Variants in ZNF514 observed in about 807,000 individuals in gnomAD.
The protein encoded by ZNF514 is zinc finger protein 514.
In ZNF514, 12 loss-of-function variants were observed where a neutral mutation model predicts 9.7. That is an observed-to-expected ratio of 1.24 (90% CI 0.79 to 2.01). The LOEUF (loss-of-function observed/expected upper bound fraction) is 2.01, where lower values mean the gene tolerates loss of function less well. ZNF514 is among the 30% of genes most tolerant of loss of function. ZNF514 has a pLI of 0.00. For missense variants in ZNF514, 467 were observed against 465.5 expected (o/e 1.00, Z -0.03); for synonymous variants, 158 against 163.7 (o/e 0.97, Z 0.27).
chr2:95,126,405 AAAGAAAGG>A, the ZNF514 span, among the ~76,000 whole-genome samples: 32 of 148,320 alleles, frequency 2.2e-4, no homozygotes, highest in Non-Finnish European at 3.9e-4. Context: ...AGAAAGAAAG[AAAGAAAGG>A]AAGAAAAAAA....
At chr2:95,144,709 TATC>T (rs1348131467), downstream of ZNF514, among the ~76,000 whole-genome samples, 3 of 152,206 alleles carry the variant, frequency 2.0e-5, no homozygotes, top group Non-Finnish European at 4.4e-5. Context: ...AACCTGCAGA[TATC>T]ATGAGAATTC....
At position 95,149,886 on chromosome 2, in the gene ZNF514, T is replaced by C. The variant is rs1673484453; in HGVS notation, c.599A>G (p.Glu200Gly). 6.2e-7 allele frequency: 1 copy of C among 1,614,250 alleles called. No individual in the cohort carries two copies. Among genetic ancestry groups the C allele is most frequent in the Non-Finnish European group, 8.5e-7 (1 of 1,180,032 alleles). ...CTCATTACATTTACAAGATTTCTTT[T>C]CTGGGTGGGTTCTCTGAGAGTTGTT... ...GGNNSQRTHP[E>G]KKSCKCNECG... Residue 200 changes from glutamate to glycine, a missense_variant, in exon 5 of 5, where the codon GAA becomes GGA. Coordinates refer to ENST00000295208, the MANE Select transcript of ZNF514 (RefSeq NM_032788.3).
chr2:95,130,969 G>A, the ZNF514 span, among the ~76,000 whole-genome samples: 5 of 152,282 alleles, frequency 3.3e-5, no homozygotes, highest in African/African-American at 7.2e-5. Flanking sequence ...AAAGACAGGC[G>A]TTAAGAAATT....
chr2:95,149,766 G>C lies in ZNF514; in HGVS notation c.719C>G (p.Ala240Gly), dbSNP rs1558700225. ...AATAAGGGATGAAATATGACCAAAG[G>C]CTCTTCCACAGTCACTGCATTCATA... is the stretch of plus-strand genomic sequence containing the variant. ...KPYECSDCGR[A>G]FGHISSLIKH... Residue 240 changes from alanine (A) to glycine (G), a missense_variant, in exon 5 of 5, where the codon GCC becomes GGC. Ala to Gly is a moderately conservative substitution (Grantham distance 60). Coordinates refer to ENST00000295208, the MANE Select transcript of ZNF514 (RefSeq NM_032788.3). 1.9e-6 allele frequency: 3 copies of C among 1,614,212 alleles called. No homozygotes were observed. Among genetic ancestry groups the C allele is most frequent in the Non-Finnish European group, 2.5e-6 (3 of 1,180,034 alleles).
At position 95,145,965 on chromosome 2, in the gene ZNF514, T is replaced by A. The variant is rs1673348568; in HGVS notation, c.*3317A>T. On this transcript the variant is annotated 3_prime_UTR_variant, in exon 5 of 5. Transcript: ENST00000295208. ...TGACAAGAGCCACCTTGGGCACATG[T>A]TCTCAGGATCTCCTGGGGCTGTGTC... Among the ~76,000 whole-genome samples the A allele has an allele frequency of 6.6e-6, 1 of 152,170 alleles. No homozygotes were observed. Among genetic ancestry groups the A allele is most frequent in the African/African-American group, 2.4e-5 (1 of 41,460 alleles).
the ZNF514 span, among the ~76,000 whole-genome samples, chr2:95,125,470 C>A: frequency 2.0e-5 from 3 of 151,922 alleles, no homozygotes; most frequent in Admixed American, 6.6e-5. Flanking sequence ...GATCTCTTGA[C>A]CTTGTGATTC....
the ZNF514 span, among the ~76,000 whole-genome samples, chr2:95,131,768 AC>A: frequency 6.6e-6 from 1 of 152,130 alleles, no homozygotes; most frequent in Non-Finnish European, 1.5e-5. Context: ...GCAAGCCACA[AC>A]CTGAACCTTA....
At chr2:95,134,373 A>C in the ZNF514 span, among the ~76,000 whole-genome samples, 1 of 152,140 alleles carries the variant, frequency 6.6e-6, no homozygotes, top group East Asian at 1.9e-4. Context: ...ACTCGCTACC[A>C]ATGCTCTGGA....
In ZNF514 at chr2:95,146,435, G is replaced by T. The variant is rs1025647780; in HGVS notation, c.*2847C>A. Among the ~76,000 whole-genome samples the T allele has an allele frequency of 6.6e-6, 1 of 152,068 alleles. No homozygotes were observed. Among genetic ancestry groups the T allele is most frequent in the African/African-American group, 2.4e-5 (1 of 41,406 alleles). Reference sequence around the variant, plus strand: ...ACACAGGTTTCTGACTGATTATGTAGGCTTTAGGTAAGTAGAGAAGGTGCC... The same window carrying T: ...ACACAGGTTTCTGACTGATTATGTATGCTTTAGGTAAGTAGAGAAGGTGCC... On this transcript the variant is annotated 3_prime_UTR_variant, in exon 5 of 5. Transcript: ENST00000295208.
Position 95,157,439 on chromosome 2 carries a change from G to A in ZNF514, c.-95C>T, listed in dbSNP as rs913500683. The A allele has an allele frequency of 5.4e-6, 7 of 1,289,204 alleles. No homozygotes were observed. The highest frequency in any genetic ancestry group is 7.1e-6 in the Non-Finnish European group (7 of 988,490). 79.9% of individuals were successfully genotyped at this position (1,289,204 alleles called of 1,614,324 possible). ...AAGAGCAGGATTCTGAGAAGGGGAA[G>A]CTGGGAAGGTAGAAGGAGACATAAG... On this transcript the variant is annotated splice_region_variant and 5_prime_UTR_variant, in exon 2 of 5. Coordinates refer to ENST00000295208, the MANE Select transcript of ZNF514 (RefSeq NM_032788.3).
In ZNF514 at chr2:95,153,054, A is replaced by G. The variant is rs1673587298; in HGVS notation, c.121+79T>C. 2.6e-6 allele frequency: 4 copies of G among 1,538,102 alleles called. No individual in the cohort carries two copies. In the African/African-American group the frequency reaches 5.5e-5, roughly 21 times the overall value. ...AACCCAGGGCCAAACTTAGCCAACC[A>G]GCCCAGACACCACTAGCTCTTAAAC... On this transcript the variant is annotated intron_variant, in intron 3 of 4. Coordinates refer to ENST00000295208, the MANE Select transcript of ZNF514 (RefSeq NM_032788.3).
At chr2:95,152,545 T>C (rs1228516184) in intron 4 of ZNF514, 129 bp downstream of exon 4, 6 of 705,834 alleles carry the variant, frequency 8.5e-6, no homozygotes, top group African/African-American at 5.3e-5. Context: ...AAATTCAACA[T>C]ACCAGAGTTG....
In ZNF514 at chr2:95,149,882, C is replaced by T. The variant is rs767178074; in HGVS notation, c.603G>A (p.Lys201=). 6.2e-7 allele frequency: 1 copy of T among 1,614,206 alleles called. No homozygotes were observed. Among genetic ancestry groups the T allele is most frequent in the Admixed American group, 1.7e-5 (1 of 60,024 alleles). Residue 201 remains lysine, a synonymous_variant, in exon 5 of 5, where the codon AAG becomes AAA. Transcript: ENST00000295208. The part of the protein sequence containing the change: ...GNNSQRTHPE[K]KSCKCNECGK... ...CACACTCATTACATTTACAAGATTT[C>T]TTTTCTGGGTGGGTTCTCTGAGAGT...
intron 1 of ZNF514, chr2:95,159,023 ATC>A (rs1435721462): frequency 1.6e-6 from 2 of 1,260,012 alleles, no homozygotes; most frequent in East Asian, 5.8e-5. Context: ...CTAGGTCCAA[ATC>A]TCTGTCTTTC....
At chr2:95,151,931 C>G (rs1248570269) in intron 4 of ZNF514, among the ~76,000 whole-genome samples, 1 of 152,202 alleles carries the variant, frequency 6.6e-6, no homozygotes, top group Non-Finnish European at 1.5e-5. Context: ...AGTTCCCTTT[C>G]ATAAAGCCCA....
the ZNF514 span, among the ~76,000 whole-genome samples, chr2:95,131,719 G>T: frequency 6.6e-6 from 1 of 152,164 alleles, no homozygotes; most frequent in Non-Finnish European, 1.5e-5. Context: ...TCAACAAATG[G>T]TGCAGGAAGA....
In ZNF514 at chr2:95,146,065, T is replaced by C. The variant is rs1673351017; in HGVS notation, c.*3217A>G. Reference sequence around the variant, plus strand: ...ATTTCTCTCAGGACTTACTGTCATGTTGTTATTGCTACAAAGAGTCTGTTT... The same window carrying C: ...ATTTCTCTCAGGACTTACTGTCATGCTGTTATTGCTACAAAGAGTCTGTTT... On this transcript the variant is annotated 3_prime_UTR_variant, in exon 5 of 5. Coordinates refer to ENST00000295208, the MANE Select transcript of ZNF514 (RefSeq NM_032788.3). Among the ~76,000 whole-genome samples, 2 of 152,206 alleles carry C rather than the reference T, an allele frequency of 1.3e-5. No homozygotes were observed. The highest frequency in any genetic ancestry group is 1.3e-4 in the Admixed American group (2 of 15,274).
rs1673361231 is a variant in ZNF514 at position 95,146,428 on chromosome 2, T to C, written c.*2854A>G. ...GAAATTTACACAGGTTTCTGACTGATTATGTAGGCTTTAGGTAAGTAGAGA... is the reference window on the plus strand; with the variant it reads ...GAAATTTACACAGGTTTCTGACTGACTATGTAGGCTTTAGGTAAGTAGAGA... On this transcript the variant is annotated 3_prime_UTR_variant, in exon 5 of 5. Coordinates refer to ENST00000295208, the MANE Select transcript of ZNF514 (RefSeq NM_032788.3). Among the ~76,000 whole-genome samples the C allele has an allele frequency of 6.6e-6, 1 of 152,106 alleles. No individual in the cohort carries two copies. Among genetic ancestry groups the C allele is most frequent in the South Asian group, 2.1e-4 (1 of 4,820 alleles).
chr2:95,156,460 G>T (rs951888691), intron 2 of ZNF514, among the ~76,000 whole-genome samples: 1 of 152,038 alleles, frequency 6.6e-6, no homozygotes, highest in African/African-American at 2.4e-5. Context: ...TGTAAAATTG[G>T]GGTCCCTTCC....
Sources: gnomAD v4.1 joint callset for allele counts (sites outside exome capture counted in the v4.1 genomes callset) on GRCh38, gnomAD v4.1.1 for gene constraint, MANE v1.5 for transcripts, NCBI Gene and HGNC (gene_info 2026-07-23, HGNC 2026-07-21) for gene names.